The following KCNIP4 variants were observed in gnomAD, a reference collection of about 807,000 sequenced individuals.
KCNIP4 encodes the protein Kv channel-interacting protein 4.
Under a neutral mutation model 34.0 loss-of-function variants are expected in KCNIP4, and 12 were observed. The ratio of observed to expected loss-of-function variants is 0.35; its 90% CI spans 0.23 to 0.57. The LOEUF (loss-of-function observed/expected upper bound fraction) is 0.57, where lower values mean the gene tolerates loss of function less well. Among genes scored for constraint, KCNIP4 ranks in the 20% least tolerant of loss-of-function variants. The pLI is 0.83. For missense variants in KCNIP4, 238 were observed against 311.7 expected (o/e 0.76, Z 1.78); for synonymous variants, 124 against 102.2 (o/e 1.21, Z -1.29).
chr4:21,932,627 G>A (rs1194484817), intron 1 of KCNIP4, among the ~76,000 whole-genome samples: 1 of 151,978 alleles, frequency 6.6e-6, no homozygotes, highest in African/African-American at 2.4e-5. Context: ...TTTTACTGGT[G>A]TTCTGACAGA....
At chr4:21,273,091 A>G (rs1762246794) in intron 1 of KCNIP4, among the ~76,000 whole-genome samples, 1 of 152,142 alleles carries the variant, frequency 6.6e-6, no homozygotes, top group Non-Finnish European at 1.5e-5. Flanking sequence ...GACACTATTT[A>G]TTGTTATTCT....
intron 1 of KCNIP4, among the ~76,000 whole-genome samples, chr4:21,865,918 TATG>T (rs1725385941): frequency 3.1e-5 from 4 of 129,350 alleles, no homozygotes; most frequent in African/African-American, 2.5e-5. Flanking sequence ...TATATATATA[TATG>T]GTGTCTCATA....
intron 1 of KCNIP4, among the ~76,000 whole-genome samples, chr4:21,752,319 G>T (rs1021439763): frequency 1.3e-5 from 2 of 152,096 alleles, no homozygotes; most frequent in Non-Finnish European, 2.9e-5. Flanking sequence ...TACAATCATG[G>T]TGAAAGGCAA....
chr4:21,462,252 G>T (rs1729523157), intron 1 of KCNIP4, among the ~76,000 whole-genome samples: 1 of 152,044 alleles, frequency 6.6e-6, no homozygotes. Context: ...ACCCAAGACT[G>T]GGAAATTTAC....
intron 2 of KCNIP4, among the ~76,000 whole-genome samples, chr4:20,851,446 A>G (rs1721012426): frequency 6.6e-6 from 1 of 152,134 alleles, no homozygotes; most frequent in Non-Finnish European, 1.5e-5. Flanking sequence ...GTGGGCGGTT[A>G]GGTTGATTCT....
intron 1 of KCNIP4, among the ~76,000 whole-genome samples, chr4:21,667,115 G>A (rs1426756538): frequency 1.3e-5 from 2 of 152,126 alleles, no homozygotes; most frequent in Non-Finnish European, 2.9e-5. Context: ...GGAAAGAGAC[G>A]AAGCCAACTT....
At chr4:20,757,602 T>C (rs1450993789) in intron 4 of KCNIP4, among the ~76,000 whole-genome samples, 14 of 152,190 alleles carry the variant, frequency 9.2e-5, no homozygotes, top group Admixed American at 8.5e-4. Context: ...TCTGACCCTT[T>C]GTTTACACCC....
chr4:21,524,631 T>A (rs762879130), intron 1 of KCNIP4, among the ~76,000 whole-genome samples: 3 of 152,156 alleles, frequency 2.0e-5, no homozygotes, highest in Non-Finnish European at 2.9e-5. Context: ...TAAATATAAA[T>A]TCTTCAGGGA....
At chr4:21,492,076 A>G (rs1732448858) in intron 1 of KCNIP4, among the ~76,000 whole-genome samples, 1 of 152,180 alleles carries the variant, frequency 6.6e-6, no homozygotes, top group Admixed American at 6.5e-5. Flanking sequence ...TATCTGAGAG[A>G]AGGTTTGTTT....
In KCNIP4 at chr4:21,035,759, T is replaced by C. The variant is rs1741392543; in HGVS notation, c.62-153050A>G. On this transcript the variant is annotated intron_variant, in intron 1 of 8. Transcript: ENST00000382152. ...TGAGATTCCTGTTTACATTTTCTAG[T>C]GCCTTTTGCTGCCTTGCTAAGCTCT... is the stretch of plus-strand genomic sequence containing the variant. Among the ~76,000 whole-genome samples the C allele has an allele frequency of 2.6e-5, 4 of 152,322 alleles. No homozygotes were observed. In the South Asian group the frequency reaches 8.3e-4, roughly 32 times the overall value.
In KCNIP4 at chr4:21,303,753, AT is replaced by A. The variant is rs1221314122; in HGVS notation, c.62-421045del. 1.7e-5 allele frequency: 25 copies of A among 1,443,842 alleles called. No homozygotes were observed. The East Asian group carries it at 5.2e-4, about 30-fold the overall frequency. 89.4% of individuals were successfully genotyped at this position (1,443,842 alleles called of 1,614,324 possible). On this transcript the variant is annotated intron_variant, in intron 1 of 8. Transcript: ENST00000382152. ...GGTGCCTCTTACATTCACCTAAGACATTTTCATTGCAAAACAGAGAATTTTT... is the reference window on the plus strand; with the variant it reads ...GGTGCCTCTTACATTCACCTAAGACATTTCATTGCAAAACAGAGAATTTTT...
At chr4:21,883,736 AGGGTGGAG>A (rs1726595939) in intron 1 of KCNIP4, among the ~76,000 whole-genome samples, 1 of 152,088 alleles carries the variant, frequency 6.6e-6, no homozygotes, top group Non-Finnish European at 1.5e-5. Context: ...ATTGAAAAAT[AGGGTGGAG>A]GTCTTTCCAT....
intron 1 of KCNIP4, among the ~76,000 whole-genome samples, chr4:21,662,341 T>G (rs1025987011): frequency 2.6e-5 from 4 of 152,196 alleles, no homozygotes; most frequent in African/African-American, 9.7e-5. Context: ...ATGTCCAAAG[T>G]CACACAGTTT....
chr4:21,730,802 G>C (rs779431697), intron 1 of KCNIP4, among the ~76,000 whole-genome samples: 1 of 152,196 alleles, frequency 6.6e-6, no homozygotes, highest in African/African-American at 2.4e-5. Flanking sequence ...CTTGATCCTG[G>C]TTATTGTGCA....
At chr4:21,391,814 C>A (rs1449011578) in intron 1 of KCNIP4, among the ~76,000 whole-genome samples, 1 of 152,186 alleles carries the variant, frequency 6.6e-6, no homozygotes, top group Non-Finnish European at 1.5e-5. Flanking sequence ...CTTCAGCACA[C>A]ATACTGTTCC....
intron 1 of KCNIP4, among the ~76,000 whole-genome samples, chr4:21,261,342 A>G (rs1761456222): frequency 6.7e-6 from 1 of 149,616 alleles, no homozygotes; most frequent in African/African-American, 2.6e-5. Flanking sequence ...TTTCTTTAAG[A>G]TTATGTCTTA....
At chr4:21,149,929 T>C (rs914637445) in intron 1 of KCNIP4, among the ~76,000 whole-genome samples, 4 of 152,238 alleles carry the variant, frequency 2.6e-5, no homozygotes, top group African/African-American at 9.6e-5. Context: ...AATGTCCTTT[T>C]ATAACACCCT....
chr4:20,854,189 A>C (rs1482689641), intron 2 of KCNIP4, among the ~76,000 whole-genome samples: 1 of 152,234 alleles, frequency 6.6e-6, no homozygotes, highest in Non-Finnish European at 1.5e-5. Context: ...ATACTTGCAC[A>C]TGCACGTTTA....
chr4:21,843,554 T>G (rs1466134838), intron 1 of KCNIP4: 3 of 152,010 alleles, frequency 2.0e-5, no homozygotes, highest in Non-Finnish European at 4.4e-5. Context: ...GGCTTCCATA[T>G]TCCCAGAAGA....
Sources: allele counts gnomAD v4.1 joint callset (sites outside exome capture counted in the v4.1 genomes callset), GRCh38; gene constraint gnomAD v4.1.1; transcripts MANE v1.5; gene names NCBI Gene and HGNC (gene_info 2026-07-23, HGNC 2026-07-21).